The following PRAG1 variants were observed in gnomAD, a reference collection of about 807,000 sequenced individuals.
The protein encoded by PRAG1 is PEAK1 related, kinase-activating pseudokinase 1.
Under a neutral mutation model 95.6 loss-of-function variants are expected in PRAG1, and 110 were observed. The ratio of observed to expected loss-of-function variants is 1.15; its 90% CI spans 0.99 to 1.35. The LOEUF is 1.35. Ranked by LOEUF, PRAG1 falls within the 40% of genes most tolerant of loss-of-function variation. The pLI is 0.00. For missense variants in PRAG1, 2,554 were observed against 1,864.7 expected (o/e 1.37, Z -6.81); for synonymous variants, 1,052 against 819.4 (o/e 1.28, Z -4.85).
At chr8:8,325,202 C>T (rs1798595506) in intron 5 of PRAG1, among the ~76,000 whole-genome samples, 1 of 152,184 alleles carries the variant, frequency 6.6e-6, no homozygotes, top group South Asian at 2.1e-4. Context: ...GCTGCCCGTG[C>T]GAAATGATGC....
intron 5 of PRAG1, among the ~76,000 whole-genome samples, chr8:8,322,351 T>G (rs1488966114): frequency 6.6e-6 from 1 of 152,120 alleles, no homozygotes; most frequent in Non-Finnish European, 1.5e-5. Context: ...CGACTAAATT[T>G]TTGTATTTTT....
chr8:8,332,283 TC>T (rs1455167838), intron 4 of PRAG1, among the ~76,000 whole-genome samples: 16 of 151,742 alleles, frequency 1.1e-4, no homozygotes. Flanking sequence ...TGCATCAGCC[TC>T]CCAAGTAGCT....
rs199749191 is a variant in PRAG1, at chr8:8,376,624, G to A, written c.1785C>T (p.Pro595=). The A allele has an allele frequency of 3.5e-5, 56 of 1,604,118 alleles. 1 individual carries two copies. Among genetic ancestry groups the A allele is most frequent in the South Asian group, 1.1e-4 (10 of 89,544 alleles). The part of the protein sequence containing the change: ...PQPPSQGPAD[P]APSCRTNGVA... The stretch of plus-strand genomic sequence containing the variant: ...CACCGTTGGTCCGGCAGGAAGGAGC[G>A]GGGTCAGCAGGACCTTGGGATGGAG... The change falls in exon 3 of 6, where the codon CCC becomes CCT. Residue 595 remains proline (P), a synonymous_variant. Coordinates refer to ENST00000615670, the MANE Select transcript of PRAG1 (RefSeq NM_001080826.3).
chr8:8,336,882 C>G (rs1242583412), intron 4 of PRAG1, among the ~76,000 whole-genome samples: 2 of 133,130 alleles, frequency 1.5e-5, no homozygotes, highest in Non-Finnish European at 1.6e-5. Flanking sequence ...TAAAACCTTC[C>G]CCCCACTCCC....
At chr8:8,342,814 A>C (rs1799216074) in intron 3 of PRAG1, among the ~76,000 whole-genome samples, 1 of 152,228 alleles carries the variant, frequency 6.6e-6, no homozygotes, top group African/African-American at 2.4e-5. Flanking sequence ...CATCAGAAAA[A>C]ATAACGAGAA....
chr8:8,327,619 G>T (rs1289414316), intron 5 of PRAG1, 91 bp downstream of exon 5: 4 of 1,405,934 alleles, frequency 2.8e-6, no homozygotes, highest in African/African-American at 2.9e-5. Flanking sequence ...CTAATGCCCA[G>T]ACAGGTGAAA....
chr8:8,364,008 C>G (rs1222660159), intron 3 of PRAG1, among the ~76,000 whole-genome samples: 3 of 152,058 alleles, frequency 2.0e-5, no homozygotes, highest in Non-Finnish European at 4.4e-5. Context: ...GAGATGAATA[C>G]CTGGACTTGC....
intron 3 of PRAG1, among the ~76,000 whole-genome samples, chr8:8,342,742 T>C (rs1585238667): frequency 6.6e-6 from 1 of 152,030 alleles, no homozygotes; most frequent in South Asian, 2.1e-4. Context: ...TAGAGCCATA[T>C]CTCATACCGT....
At chr8:8,334,219 G>A (rs550997789) in intron 4 of PRAG1, among the ~76,000 whole-genome samples, 2 of 152,114 alleles carry the variant, frequency 1.3e-5, no homozygotes, top group African/African-American at 2.4e-5. Context: ...TGAGGCAGGC[G>A]GATCACCTGA....
intron 3 of PRAG1, among the ~76,000 whole-genome samples, chr8:8,359,568 T>C (rs1799784784): frequency 6.6e-6 from 1 of 152,146 alleles, no homozygotes; most frequent in Non-Finnish European, 1.5e-5. Flanking sequence ...ACTGGTAAAA[T>C]TGGAGTATTG....
intron 2 of PRAG1, 120 bp downstream of exon 2, chr8:8,381,298 G>A (rs567009980): frequency 1.0e-6 from 1 of 955,856 alleles, no homozygotes; most frequent in Admixed American, 2.7e-5. Context: ...AGGGCAAACT[G>A]ACAGGAAGCT....
intron 3 of PRAG1, among the ~76,000 whole-genome samples, chr8:8,368,768 C>T (rs986296787): frequency 6.6e-6 from 1 of 151,978 alleles, no homozygotes; most frequent in Non-Finnish European, 1.5e-5. Flanking sequence ...ATGCACCTGA[C>T]AAAGCATGGA....
intron 1 of PRAG1, among the ~76,000 whole-genome samples, chr8:8,382,908 C>T (rs935091749): frequency 5.9e-5 from 9 of 152,176 alleles, no homozygotes; most frequent in African/African-American, 1.9e-4. Flanking sequence ...GCAGGCGGCT[C>T]CTCCCTGCAG....
intron 3 of PRAG1, among the ~76,000 whole-genome samples, chr8:8,347,462 T>C (rs895250020): frequency 2.0e-5 from 3 of 152,258 alleles, no homozygotes; most frequent in African/African-American, 7.2e-5. Flanking sequence ...GGCTCCATGA[T>C]TCAAAGCAAT....
chr8:8,377,521 C>G lies in PRAG1; in HGVS notation c.888G>C (p.Gly296=). 6.3e-7 allele frequency: 1 copy of G among 1,576,598 alleles called. No individual in the cohort carries two copies. The highest frequency in any genetic ancestry group is 8.6e-7 in the Non-Finnish European group (1 of 1,160,334). ...PTCWEQGKCS[G]PAEQEKRGPS... Reference sequence around the variant, plus strand: ...GGCCCCGCTTCTCCTGCTCTGCGGGCCCGGAACACTTCCCCTGCTCCCAGC... The same window carrying G: ...GGCCCCGCTTCTCCTGCTCTGCGGGGCCGGAACACTTCCCCTGCTCCCAGC... The change falls in exon 3 of 6, where the codon GGG becomes GGC. Residue 296 remains glycine, a synonymous_variant. Coordinates refer to ENST00000615670, the MANE Select transcript of PRAG1 (RefSeq NM_001080826.3).
At chr8:8,351,263 T>C (rs1188291001) in intron 3 of PRAG1, among the ~76,000 whole-genome samples, 1 of 151,988 alleles carries the variant, frequency 6.6e-6, no homozygotes, top group Non-Finnish European at 1.5e-5. Context: ...ACACACTCTT[T>C]TGAACAACCA....
At chr8:8,340,316 A>C (rs1799121597) in intron 3 of PRAG1, among the ~76,000 whole-genome samples, 1 of 152,220 alleles carries the variant, frequency 6.6e-6, no homozygotes. Flanking sequence ...AGAAATACCA[A>C]CTTCAAGAGA....
intron 3 of PRAG1, among the ~76,000 whole-genome samples, chr8:8,345,046 G>GGTGTGTGT (rs57329300): frequency 0.065 from 8,648 of 133,824 alleles, 298 homozygotes; most frequent in Non-Finnish European, 0.088. Flanking sequence ...TTATCCGCAG[G>GGTGTGTGT]GTGTGTGTGT....
chr8:8,327,873 C>T lies in PRAG1; in HGVS notation c.2909G>A (p.Cys970Tyr). 6.2e-7 allele frequency: 1 copy of T among 1,614,236 alleles called. No homozygotes were observed. The highest frequency in any genetic ancestry group is 8.5e-7 in the Non-Finnish European group (1 of 1,180,040). ...CTGGCCGCCCATGAAGAGGTCCTCA[C>T]ATTTGGCTACAAGGCGGGCCAGGGA... is the stretch of plus-strand genomic sequence containing the variant. ...TQSLARLVAK[C>Y]EDLFMGGQKK... is the part of the protein sequence containing the mutation. Residue 970 changes from cysteine to tyrosine, a missense_variant, in exon 5 of 6, where the codon TGT becomes TAT. Coordinates refer to ENST00000615670, the MANE Select transcript of PRAG1 (RefSeq NM_001080826.3).
Sources: gnomAD v4.1 joint callset for allele counts (sites outside exome capture counted in the v4.1 genomes callset) on GRCh38, gnomAD v4.1.1 for gene constraint, MANE v1.5 for transcripts, NCBI Gene and HGNC (gene_info 2026-07-23, HGNC 2026-07-21) for gene names.